Variants in CAPSL observed in about 807,000 individuals in gnomAD.
The protein encoded by CAPSL is calcyphosin-like protein.
CAPSL carries 17 observed loss-of-function variants against 21.3 expected under a neutral mutation model. The ratio of observed to expected loss-of-function variants is 0.80; its 90% CI spans 0.55 to 1.20. CAPSL has a LOEUF of 1.20. Ranked by LOEUF, CAPSL falls within the 50% of genes most tolerant of loss-of-function variation. CAPSL has a pLI of 0.00. For synonymous variants in CAPSL, 102 were observed against 89.3 expected, an observed-to-expected ratio of 1.14 and a Z score of -0.80; for missense variants, 289 against 259.3, an observed-to-expected ratio of 1.11 and a Z score of -0.79.
chr5:35,923,564 G>A (rs551923219), intron 1 of CAPSL, among the ~76,000 whole-genome samples: 44 of 152,320 alleles, frequency 2.9e-4, no homozygotes, highest in African/African-American at 8.2e-4. Flanking sequence ...ACATTCTTCA[G>A]CCATAAAAAG....
At chr5:35,910,139 T>G in intron 3 of CAPSL, 64 bp from the exon 4 acceptor site, 1 of 1,346,858 alleles carries the variant, frequency 7.4e-7, no homozygotes, top group Non-Finnish European at 1.0e-6. Flanking sequence ...TGGTATCCTA[T>G]GTGATAAAAT....
chr5:35,904,773 G>C, intron 4 of CAPSL, 127 bp from the exon 5 acceptor site: 1 of 1,381,616 alleles, frequency 7.2e-7, no homozygotes, highest in Non-Finnish European at 9.6e-7. Flanking sequence ...CATGGCTGAG[G>C]AACTGATCTA....
At chr5:35,929,580 C>T (rs138414351) in intron 1 of CAPSL, among the ~76,000 whole-genome samples, 4 of 152,300 alleles carry the variant, frequency 2.6e-5, no homozygotes, top group East Asian at 1.9e-4. Flanking sequence ...TAAGCCACCA[C>T]GCCCGGCCTT....
chr5:35,926,294 G>A (rs566389748), intron 1 of CAPSL, among the ~76,000 whole-genome samples: 1 of 152,274 alleles, frequency 6.6e-6, no homozygotes, highest in African/African-American at 2.4e-5. Flanking sequence ...GGCATCCAGA[G>A]CTGTTGCTTG....
chr5:35,905,262 T>C (rs1415319804), intron 4 of CAPSL, among the ~76,000 whole-genome samples: 1 of 152,210 alleles, frequency 6.6e-6, no homozygotes, highest in South Asian at 2.1e-4. Flanking sequence ...ACTAATGTGT[T>C]TATCTGTGTG....
rs1561439742 is a variant in CAPSL at position 35,919,192 on chromosome 5, A to ATATATAT, written c.137+1791_137+1792insATATATA. ...AAAAATATATATATATATATATATAAAAATTGTGAAATTAGTTTGGATCTC... is the reference window on the plus strand; with the variant it reads ...AAAAATATATATATATATATATATAATATATATAAATTGTGAAATTAGTTTGGATCTC... On this transcript the variant is annotated intron_variant, in intron 2 of 4. Transcript: ENST00000651391. Among the ~76,000 whole-genome samples, 133 of 108,232 alleles carry ATATATAT rather than the reference A, an allele frequency of 1.2e-3. 1 individual carries two copies. Among genetic ancestry groups the ATATATAT allele is most frequent in the Middle Eastern group, 9.4e-3 (2 of 212 alleles). The allele number at this position is 108,232 out of a possible 152,430, so 71.0% of individuals were successfully genotyped here. A position where few individuals can be genotyped will look rare whatever the true frequency, so the allele number is the denominator to read the frequency against.
intron 1 of CAPSL, among the ~76,000 whole-genome samples, chr5:35,936,714 C>T (rs1199904603): frequency 6.6e-6 from 1 of 152,210 alleles, no homozygotes; most frequent in African/African-American, 2.4e-5. Flanking sequence ...CTTGTCTTCA[C>T]CTGCTTCTTA....
At position 35,904,490 on chromosome 5, in the gene CAPSL, T is replaced by G; in HGVS notation, c.*55A>C. ...TACGATTCTGGTTTTTGAGCTGACA[T>G]TTAGTCATTTGGAGCCACATGGCTG... On this transcript the variant is annotated 3_prime_UTR_variant, in exon 5 of 5. Coordinates refer to ENST00000651391, the MANE Select transcript of CAPSL (RefSeq NM_001042625.2). 1 of 1,251,374 alleles carries G rather than the reference T, an allele frequency of 8.0e-7. No homozygotes were observed. The highest frequency in any genetic ancestry group is 1.2e-6 in the Non-Finnish European group (1 of 863,992). 77.5% of individuals were successfully genotyped at this position (1,251,374 alleles called of 1,614,324 possible).
intron 1 of CAPSL, among the ~76,000 whole-genome samples, chr5:35,937,837 C>CAAA (rs11369328): frequency 6.6e-4 from 97 of 146,542 alleles, no homozygotes; most frequent in African/African-American, 1.6e-3. Flanking sequence ...AAAAATAAGT[C>CAAA]AAAAAAAAAA....
At chr5:35,924,271 C>G (rs1166383077) in intron 1 of CAPSL, among the ~76,000 whole-genome samples, 1 of 152,186 alleles carries the variant, frequency 6.6e-6, no homozygotes, top group African/African-American at 2.4e-5. Context: ...AACTTGGAAA[C>G]TAAGGCTTGG....
chr5:35,930,976 T>C (rs536917953), intron 1 of CAPSL, among the ~76,000 whole-genome samples: 116 of 152,252 alleles, frequency 7.6e-4, no homozygotes, highest in African/African-American at 2.6e-3. Context: ...TATGCAATCA[T>C]GAGGGAAGGG....
At chr5:35,926,429 A>C (rs183941199) in intron 1 of CAPSL, among the ~76,000 whole-genome samples, 5 of 152,030 alleles carry the variant, frequency 3.3e-5, no homozygotes, top group South Asian at 2.1e-4. Flanking sequence ...GTCTCATTCC[A>C]CTGTCCTCCC....
chr5:35,913,101 G>C (rs922834061), intron 2 of CAPSL, among the ~76,000 whole-genome samples: 1 of 152,142 alleles, frequency 6.6e-6, no homozygotes, highest in African/African-American at 2.4e-5. Flanking sequence ...TGGAAGAAAG[G>C]GTATCAGTGA....
At chr5:35,915,968 C>A (rs557388596) in intron 2 of CAPSL, among the ~76,000 whole-genome samples, 1 of 152,066 alleles carries the variant, frequency 6.6e-6, no homozygotes, top group African/African-American at 2.4e-5. Context: ...AAAACCCCAT[C>A]GTCTCAGCCC....
chr5:35,919,086 T>C (rs1044593690), intron 2 of CAPSL, among the ~76,000 whole-genome samples: 4 of 150,708 alleles, frequency 2.7e-5, no homozygotes, highest in African/African-American at 9.7e-5. Context: ...AAAAAATGAC[T>C]TTTGTTTTGT....
In CAPSL at chr5:35,909,947, G is replaced by A; in HGVS notation, c.444C>T (p.Tyr148=). Residue 148 remains tyrosine (Y), a synonymous_variant, in exon 4 of 5, where the codon TAC becomes TAT. Transcript: ENST00000651391. ...GTTCCTCACTCCATTCCCCATTCTG[G>A]TACTTTGGGTGGTGTTTTGCATTAT... The part of the protein sequence containing the change: ...EVYNAKHHPK[Y]QNGEWSEEQV... 6.2e-7 allele frequency: 1 copy of A among 1,613,700 alleles called. No individual in the cohort carries two copies. Among genetic ancestry groups the A allele is most frequent in the Admixed American group, 1.7e-5 (1 of 59,966 alleles).
chr5:35,920,715 G>T (rs1738514410), intron 2 of CAPSL, among the ~76,000 whole-genome samples: 1 of 152,158 alleles, frequency 6.6e-6, no homozygotes, highest in African/African-American at 2.4e-5. Context: ...TCCATGCCAG[G>T]GCACATGCTG....
intron 2 of CAPSL, among the ~76,000 whole-genome samples, chr5:35,915,026 A>T (rs1738335323): frequency 6.6e-6 from 1 of 152,326 alleles, no homozygotes; most frequent in East Asian, 1.9e-4. Flanking sequence ...GATAAAGGGG[A>T]TATCACCACC....
chr5:35,909,999 A>C lies in CAPSL; in HGVS notation c.392T>G (p.Ile131Arg). 1 of 1,613,844 alleles carries C rather than the reference A, an allele frequency of 6.2e-7. No homozygotes were observed. The highest frequency in any genetic ancestry group is 8.5e-7 in the Non-Finnish European group (1 of 1,179,906). Residue 131 changes from isoleucine to arginine, a missense_variant, in exon 4 of 5, where the codon ATA (isoleucine) becomes AGA (arginine). Ile to Arg is a moderately conservative substitution (Grantham distance 97, BLOSUM62 -3). Transcript: ENST00000651391. ...TACTTCACGAAGGTCTTCGATTGTT[A>C]TAACACCATCTCCAGTCTTGTCTAA... ...RKLDKTGDGV[I>R]TIEDLREVYN...
Sources: gnomAD v4.1 joint callset for allele counts (sites outside exome capture counted in the v4.1 genomes callset) on GRCh38, gnomAD v4.1.1 for gene constraint, MANE v1.5 for transcripts, NCBI Gene and HGNC (gene_info 2026-07-23, HGNC 2026-07-21) for gene names.